RUVBL2: variants seen among roughly 807,000 people sequenced by gnomAD.
The protein encoded by RUVBL2 is ruvB-like 2.
Under a neutral mutation model 57.9 loss-of-function variants are expected in RUVBL2, and 9 were observed. That is an observed-to-expected ratio of 0.16 (90% CI 0.09 to 0.27). The LOEUF (loss-of-function observed/expected upper bound fraction) is 0.27, where lower values mean the gene tolerates loss of function less well. RUVBL2 is among the 10% of genes least tolerant of loss of function. RUVBL2 has a pLI of 1.00. For synonymous variants in RUVBL2, 278 were observed against 264.6 expected, an observed-to-expected ratio of 1.05 and a Z score of -0.49; for missense variants, 456 against 669.6, an observed-to-expected ratio of 0.68 and a Z score of 3.52.
chr19:48,994,921 C>CAAA, intron 1 of RUVBL2: 1 of 138,546 alleles, frequency 7.2e-6, no homozygotes, highest in Non-Finnish European at 1.6e-5. Context: ...ACTCTGTCTC[C>CAAA]AAAAAAAAAA....
intron 13 of RUVBL2, 147 bp downstream of exon 13, chr19:49,015,297 C>G: frequency 9.1e-7 from 1 of 1,102,858 alleles, no homozygotes; most frequent in Non-Finnish European, 1.3e-6. Context: ...TCTGTATCAT[C>G]CAGCCTGGCC....
In RUVBL2 at chr19:49,015,956, G is replaced by A. The variant is rs768146510; in HGVS notation, c.*114G>A. On this transcript the variant is annotated 3_prime_UTR_variant, in exon 15 of 15. Transcript: ENST00000595090. ...CCCTGTGTATGTGTGGTTGCCCTGA[G>A]CCCACAGAAAGACACCTCCAGAGTG... The A allele has an allele frequency of 1.9e-5, 30 of 1,614,108 alleles. No homozygotes were observed. The African/African-American group carries it at 3.6e-4, about 19-fold the overall frequency.
At chr19:49,001,972 C>G (rs541116839) in intron 2 of RUVBL2, among the ~76,000 whole-genome samples, 52 of 152,172 alleles carry the variant, frequency 3.4e-4, no homozygotes, top group African/African-American at 1.3e-3. Flanking sequence ...CTACTCAACT[C>G]TCCTCTTGCA....
upstream of RUVBL2, chr19:48,993,806 AGGAAC>A: frequency 7.1e-7 from 1 of 1,406,158 alleles, no homozygotes; most frequent in Admixed American, 1.7e-5. Context: ...CATATTTATG[AGGAAC>A]CATCGAGATC....
At position 49,015,697 on chromosome 19, in the gene RUVBL2, C is replaced by T. The variant is rs573974526; in HGVS notation, c.1366+11C>T. ...TCTTCAACGAACTCAGTAAGAATCC[C>T]CACCCCGCACCTGCACTGCCAGAGC... On this transcript the variant is annotated intron_variant, in intron 14 of 14. Transcript: ENST00000595090. 2.4e-5 allele frequency: 39 copies of T among 1,611,956 alleles called. 1 individual carries two copies. In the African/African-American group the frequency reaches 4.8e-4, roughly 20 times the overall value.
At chr19:49,013,485 G>A (rs1164041594) in intron 11 of RUVBL2, among the ~76,000 whole-genome samples, 1 of 152,066 alleles carries the variant, frequency 6.6e-6, no homozygotes, top group Non-Finnish European at 1.5e-5. Flanking sequence ...CTAAGTGCAA[G>A]GAGGCTGTGA....
chr19:49,009,924 C>T (rs779986960), intron 7 of RUVBL2, 42 bp downstream of exon 7: 41 of 1,611,792 alleles, frequency 2.5e-5, no homozygotes, highest in Middle Eastern at 1.6e-4. Context: ...GGGGGATGGG[C>T]GAGCTTGGGC....
At chr19:48,993,971 T>G in intron 1 of RUVBL2, 48 bp downstream of exon 1, 1 of 1,610,308 alleles carries the variant, frequency 6.2e-7, no homozygotes, top group Non-Finnish European at 8.5e-7. Context: ...CAGTCTCGAG[T>G]TTGAGAGAGG....
At chr19:48,993,567 G>A (rs1035660383), upstream of RUVBL2, 9 of 480,814 alleles carry the variant, frequency 1.9e-5, 1 homozygote, top group South Asian at 8.7e-5. Flanking sequence ...AAGTGGGGAG[G>A]AGGAGGAGGG....
rs148244949 is a variant in RUVBL2, at chr19:49,015,694, T to TC, written c.1366+12dup. ...TCCTCTTCAACGAACTCAGTAAGAA[T>TC]CCCCACCCCGCACCTGCACTGCCAG... is the stretch of plus-strand genomic sequence containing the variant. On this transcript the variant is annotated intron_variant, in intron 14 of 14. Transcript: ENST00000595090. 1.2e-6 allele frequency: 2 copies of TC among 1,612,836 alleles called. No homozygotes were observed. Among genetic ancestry groups the TC allele is most frequent in the Non-Finnish European group, 1.7e-6 (2 of 1,178,976 alleles).
intron 8 of RUVBL2, 158 bp downstream of exon 8, chr19:49,010,224 C>T: frequency 1.3e-6 from 1 of 775,046 alleles, no homozygotes; most frequent in Non-Finnish European, 2.1e-6. Flanking sequence ...ACAGCAGGGC[C>T]CCTCAGCCTG....
rs1305709985 is a variant in RUVBL2 at position 49,010,536 on chromosome 19, G to A, written c.712G>A (p.Val238Met). 1.3e-6 allele frequency: 2 copies of A among 1,573,216 alleles called. No individual in the cohort carries two copies. The highest frequency in any genetic ancestry group is 2.4e-5 in the East Asian group (1 of 41,744). ...PDGELQKRKE[V>M]VHTVSLHEID... The stretch of plus-strand genomic sequence containing the variant: ...TGGGGAGCTCCAGAAACGCAAGGAG[G>A]TGGTGCACACCGTGTCCCTGCACGA... Residue 238 changes from valine (V) to methionine (M), a missense_variant, in exon 9 of 15, where the codon GTG becomes ATG. Physicochemically the swap from Val to Met is conservative, Grantham distance 21. Coordinates refer to ENST00000595090, the MANE Select transcript of RUVBL2 (RefSeq NM_006666.3).
At chr19:49,010,941 C>G in intron 9 of RUVBL2, 58 bp from the exon 10 acceptor site, 1 of 1,452,752 alleles carries the variant, frequency 6.9e-7, no homozygotes, top group Non-Finnish European at 9.5e-7. Flanking sequence ...TAGCCACACT[C>G]TGGCCCTGGA....
At chr19:49,010,187 C>A in intron 8 of RUVBL2, 121 bp downstream of exon 8, 1 of 951,164 alleles carries the variant, frequency 1.1e-6, no homozygotes, top group Non-Finnish European at 1.6e-6. Context: ...TGTCCTGGTA[C>A]TCCTGGGTCT....
In RUVBL2 at chr19:49,004,330, G is replaced by A. The variant is rs2039243457; in HGVS notation, c.177G>A (p.Val59=). Reference sequence around the variant, plus strand: ...CGGCACGGCGGGCGGCTGGCGTGGTGCTGGAGATGATCCGGGAAGGGAAGA... The same window carrying A: ...CGGCACGGCGGGCGGCTGGCGTGGTACTGGAGATGATCCGGGAAGGGAAGA... ...QLAARRAAGV[V]LEMIREGKIA... Residue 59 remains valine, a synonymous_variant, in exon 4 of 15, where the codon GTG becomes GTA. Coordinates refer to ENST00000595090, the MANE Select transcript of RUVBL2 (RefSeq NM_006666.3). 6.2e-7 allele frequency: 1 copy of A among 1,611,812 alleles called. No homozygotes were observed. The highest frequency in any genetic ancestry group is 8.5e-7 in the Non-Finnish European group (1 of 1,179,794).
Position 49,007,403 on chromosome 19 carries a change from A to G in RUVBL2, c.462+35A>G, listed in dbSNP as rs748755045. The G allele has an allele frequency of 1.3e-5, 21 of 1,591,012 alleles. No homozygotes were observed. In the Admixed American group the frequency reaches 1.5e-4, roughly 12 times the overall value. ...TGTGAGTCTGTACCCTGCTGAGGCC[A>G]CCTCCAGCGCCAGGGTTGGAGAGAG... On this transcript the variant is annotated intron_variant, in intron 6 of 14. Transcript: ENST00000595090.
chr19:48,999,588 C>T (rs1429239231), intron 2 of RUVBL2, among the ~76,000 whole-genome samples: 8 of 152,192 alleles, frequency 5.3e-5, no homozygotes, highest in Non-Finnish European at 1.0e-4. Flanking sequence ...GGCTGCTATC[C>T]TGGCTATCCT....
In RUVBL2 at chr19:48,999,319, A is replaced by G. The variant is rs1256797054; in HGVS notation, c.13A>G (p.Thr5Ala). ...CTGACACATCTTCTTGCACCCCCAG[A>G]CAGCCACAACCAAAGTCCCGGAGAT... is the stretch of plus-strand genomic sequence containing the variant. MATV[T>A]ATTKVPEIRD... The change falls in exon 2 of 15, where the codon ACA (threonine) becomes GCA (alanine). Residue 5 changes from threonine to alanine, a missense_variant and splice_region_variant. By Grantham distance (58) the Thr-to-Ala change is moderately conservative. Coordinates refer to ENST00000595090, the MANE Select transcript of RUVBL2 (RefSeq NM_006666.3). 1 of 1,614,100 alleles carries G rather than the reference A, an allele frequency of 6.2e-7. No individual in the cohort carries two copies.
chr19:48,993,718 G>A, upstream of RUVBL2: 2 of 680,216 alleles, frequency 2.9e-6, no homozygotes, highest in South Asian at 3.5e-5. Flanking sequence ...GGACCCAGGA[G>A]TTCCGGACGC....
Sources: gnomAD v4.1 joint callset for allele counts (sites outside exome capture counted in the v4.1 genomes callset) on GRCh38, gnomAD v4.1.1 for gene constraint, MANE v1.5 for transcripts, NCBI Gene and HGNC (gene_info 2026-07-23, HGNC 2026-07-21) for gene names.